The following NCKAP5 variants were observed in gnomAD, a reference collection of about 807,000 sequenced individuals.
NCKAP5 encodes the protein nck-associated protein 5.
Under a neutral mutation model 167.0 loss-of-function variants are expected in NCKAP5, and 92 were observed. That is an observed-to-expected ratio of 0.55 (90% CI 0.47 to 0.66). The LOEUF (loss-of-function observed/expected upper bound fraction) is 0.66. NCKAP5 is among the 30% of genes least tolerant of loss of function. The pLI is 0.00. For synonymous variants in NCKAP5, 891 were observed against 877.4 expected, an observed-to-expected ratio of 1.02 and a Z score of -0.27; for missense variants, 2,378 against 2,315.0, an observed-to-expected ratio of 1.03 and a Z score of -0.56.
At chr2:132,974,945 C>G (rs78538921) in intron 7 of NCKAP5, among the ~76,000 whole-genome samples, 1 of 152,214 alleles carries the variant, frequency 6.6e-6, no homozygotes, top group Non-Finnish European at 1.5e-5. Context: ...GCTGCTCCAG[C>G]GTGCCCTGGT....
At chr2:133,297,007 T>C (rs1246875205) in intron 4 of NCKAP5, among the ~76,000 whole-genome samples, 1 of 152,182 alleles carries the variant, frequency 6.6e-6, no homozygotes, top group Non-Finnish European at 1.5e-5. Context: ...ACTTTTTTCT[T>C]ATGTTTCTTG....
rs752427682 is a variant in NCKAP5 at position 132,725,730 on chromosome 2, A to G, written c.5610T>C (p.Ser1870=). The G allele has an allele frequency of 8.7e-6, 14 of 1,613,742 alleles. No individual in the cohort carries two copies. The South Asian group carries it at 1.2e-4, about 14-fold the overall frequency. The change falls in exon 19 of 20, where the codon TCT becomes TCC. Residue 1870 remains serine, a synonymous_variant. Transcript: ENST00000409261. The stretch of plus-strand genomic sequence containing the variant: ...TGTCACTATTACTGCCACCGCTGGC[A>G]GAGTACGTACACATTCTGGGTGCCT... ...QDKAPRMCTY[S]ASGGSNSDSD...
intron 8 of NCKAP5, among the ~76,000 whole-genome samples, chr2:132,889,733 G>A (rs896147917): frequency 1.8e-4 from 27 of 152,122 alleles, no homozygotes; most frequent in African/African-American, 5.8e-4. Context: ...ATTCAACCAG[G>A]CTAGAATCCT....
chr2:132,696,932 G>C (rs957363540), intron 19 of NCKAP5, among the ~76,000 whole-genome samples: 21 of 152,264 alleles, frequency 1.4e-4, no homozygotes, highest in Non-Finnish European at 2.5e-4. Context: ...CTGTCACCCA[G>C]GCTGGAGTAC....
chr2:133,548,640 T>C (rs376851925), intron 2 of NCKAP5, among the ~76,000 whole-genome samples: 1 of 151,668 alleles, frequency 6.6e-6, no homozygotes, highest in Non-Finnish European at 1.5e-5. Context: ...GCTTCATAAG[T>C]GAAGGAGAAA....
chr2:132,808,354 T>C (rs528345901), intron 11 of NCKAP5, among the ~76,000 whole-genome samples: 20 of 151,990 alleles, frequency 1.3e-4, no homozygotes, highest in Admixed American at 3.3e-4. Flanking sequence ...TCTTTGAATG[T>C]CAGGTAGAAT....
chr2:133,439,366 T>C lies in NCKAP5; in HGVS notation c.69+78092A>G, dbSNP rs930068238. 9.2e-5 allele frequency among the ~76,000 whole-genome samples: 14 copies of C among 152,330 alleles called. 1 individual carries two copies. Among genetic ancestry groups the C allele is most frequent in the South Asian group, 6.2e-4 (3 of 4,828 alleles). ...CAATTAATGATTGTACTTGGATATA[T>C]TGCTCTTTTCAGAAGCTGAAATAAG... On this transcript the variant is annotated intron_variant, in intron 3 of 19. Transcript: ENST00000409261.
chr2:133,100,260 C>T (rs529057564), intron 6 of NCKAP5, among the ~76,000 whole-genome samples: 2 of 152,330 alleles, frequency 1.3e-5, no homozygotes, highest in African/African-American at 4.8e-5. Flanking sequence ...GTGGATCCCA[C>T]TTTAATTAAT....
At chr2:133,557,007 A>G (rs1048447454) in intron 2 of NCKAP5, among the ~76,000 whole-genome samples, 1 of 152,232 alleles carries the variant, frequency 6.6e-6, no homozygotes, top group Non-Finnish European at 1.5e-5. Context: ...AGTTAGTGGT[A>G]TCATCCTTCC....
chr2:133,417,911 T>C (rs1228581269), intron 3 of NCKAP5, among the ~76,000 whole-genome samples: 1 of 152,120 alleles, frequency 6.6e-6, no homozygotes, highest in African/African-American at 2.4e-5. Flanking sequence ...TTGGTTGACA[T>C]AAGGAAAACA....
intron 3 of NCKAP5, among the ~76,000 whole-genome samples, chr2:133,317,025 G>T (rs551687373): frequency 6.6e-6 from 1 of 152,232 alleles, no homozygotes; most frequent in East Asian, 1.9e-4. Context: ...ATACTAAGGA[G>T]ACCATAGGCA....
chr2:132,946,409 C>T (rs1697732940), intron 8 of NCKAP5, among the ~76,000 whole-genome samples: 1 of 152,076 alleles, frequency 6.6e-6, no homozygotes, highest in Non-Finnish European at 1.5e-5. Context: ...TTTTGCTGGT[C>T]TTTGGAATTT....
At chr2:132,700,871 C>T (rs1266285970) in intron 19 of NCKAP5, among the ~76,000 whole-genome samples, 1 of 145,212 alleles carries the variant, frequency 6.9e-6, no homozygotes, top group East Asian at 2.1e-4. Flanking sequence ...TCAAATTCTG[C>T]CTTTCAGAGA....
chr2:133,604,499 C>T, the NCKAP5 span, among the ~76,000 whole-genome samples: 1 of 152,126 alleles, frequency 6.6e-6, no homozygotes, highest in Non-Finnish European at 1.5e-5. Flanking sequence ...AGACACCTCA[C>T]CCAGTCAGAT....
intron 8 of NCKAP5, among the ~76,000 whole-genome samples, chr2:132,881,422 G>T (rs1031805786): frequency 6.6e-6 from 1 of 152,006 alleles, no homozygotes; most frequent in Admixed American, 6.6e-5. Flanking sequence ...TGATCTGCCC[G>T]CCTCGGCCTC....
intron 6 of NCKAP5, among the ~76,000 whole-genome samples, chr2:132,997,940 A>G (rs1207267472): frequency 6.6e-6 from 1 of 152,202 alleles, no homozygotes; most frequent in Non-Finnish European, 1.5e-5. Flanking sequence ...TTGCCGAACT[A>G]TCATAAACAA....
intron 3 of NCKAP5, among the ~76,000 whole-genome samples, chr2:133,329,453 A>AAGG (rs1427702447): frequency 1.3e-5 from 2 of 152,194 alleles, no homozygotes; most frequent in African/African-American, 4.8e-5. Context: ...TCTACCTACC[A>AAGG]AGGACACCAC....
intron 5 of NCKAP5, among the ~76,000 whole-genome samples, chr2:133,210,180 T>TAATATAATATAATAC (rs1305801446): frequency 6.7e-6 from 1 of 148,244 alleles, no homozygotes; most frequent in Non-Finnish European, 1.5e-5. Context: ...ATAAATAATA[T>TAATATAATATAATAC]AATATAATAT....
intron 3 of NCKAP5, among the ~76,000 whole-genome samples, chr2:133,447,807 G>A (rs1691298944): frequency 6.6e-6 from 1 of 152,086 alleles, no homozygotes; most frequent in Non-Finnish European, 1.5e-5. Context: ...CTAAAAGAAG[G>A]GAATTTGAGA....
Sources: gnomAD v4.1 joint callset for allele counts (sites outside exome capture counted in the v4.1 genomes callset) on GRCh38, gnomAD v4.1.1 for gene constraint, MANE v1.5 for transcripts, NCBI Gene and HGNC (gene_info 2026-07-23, HGNC 2026-07-21) for gene names.